PKIA: variants seen among roughly 807,000 people sequenced by gnomAD.
PKIA encodes the protein cAMP-dependent protein kinase inhibitor alpha, also known as PKI-alpha.
Under a neutral mutation model 7.6 loss-of-function variants are expected in PKIA, and 4 were observed. That is an observed-to-expected ratio of 0.52 (90% CI 0.26 to 1.20). PKIA has a LOEUF of 1.20. Ranked by LOEUF, PKIA falls within the 50% of genes most tolerant of loss-of-function variation. The pLI is 0.13. For synonymous variants in PKIA, 21 were observed against 30.7 expected (o/e 0.68, Z 1.04); for missense variants, 73 against 86.2 (o/e 0.85, Z 0.61).
chr8:78,597,723 T>A (rs1248136594), intron 2 of PKIA, among the ~76,000 whole-genome samples: 1 of 152,234 alleles, frequency 6.6e-6, no homozygotes, highest in Non-Finnish European at 1.5e-5. Flanking sequence ...CTATTTTTGT[T>A]AGTAAAGTTT....
intron 1 of PKIA, chr8:78,558,599 C>G (rs1021635434): frequency 7.1e-6 from 1 of 141,386 alleles, no homozygotes; most frequent in Admixed American, 7.0e-5. Flanking sequence ...CCACCCCCTT[C>G]CCCCCCGCCC....
chr8:78,546,833 AATT>A (rs1806836501), intron 1 of PKIA, among the ~76,000 whole-genome samples: 2 of 152,190 alleles, frequency 1.3e-5, no homozygotes, highest in African/African-American at 4.8e-5. Flanking sequence ...AATCAAATGG[AATT>A]ATTAACTTCT....
At chr8:78,576,878 A>C (rs1034233632) in intron 2 of PKIA, among the ~76,000 whole-genome samples, 1 of 152,104 alleles carries the variant, frequency 6.6e-6, no homozygotes, top group Admixed American at 6.6e-5. Flanking sequence ...AGACACATGC[A>C]TACAAATGTT....
chr8:78,521,112 A>T (rs78846406), intron 1 of PKIA, among the ~76,000 whole-genome samples: 6,525 of 152,180 alleles, frequency 0.043, 419 homozygotes, highest in African/African-American at 0.14. Flanking sequence ...AATCAAAGCC[A>T]TTTTTACAAA....
chr8:78,579,411 C>A (rs1280212033), intron 2 of PKIA, among the ~76,000 whole-genome samples: 1 of 151,960 alleles, frequency 6.6e-6, no homozygotes. Context: ...GCCTTACTGT[C>A]CAAACTCATT....
At chr8:78,591,074 C>A (rs1203935629) in intron 2 of PKIA, among the ~76,000 whole-genome samples, 1 of 152,216 alleles carries the variant, frequency 6.6e-6, no homozygotes, top group Admixed American at 6.5e-5. Context: ...AAGTCTTCAG[C>A]GCATGCTGAT....
At chr8:78,557,846 T>A (rs1807180403) in intron 1 of PKIA, among the ~76,000 whole-genome samples, 1 of 114,792 alleles carries the variant, frequency 8.7e-6, no homozygotes, top group Admixed American at 9.5e-5. Context: ...TTGCTTGTCC[T>A]TCTCCGGGAT....
intron 1 of PKIA, among the ~76,000 whole-genome samples, chr8:78,526,923 C>G (rs921778125): frequency 6.6e-6 from 1 of 151,788 alleles, no homozygotes; most frequent in African/African-American, 2.4e-5. Flanking sequence ...TTTTATTTTT[C>G]TTATATGGAT....
At chr8:78,534,302 G>A (rs1331326980) in intron 1 of PKIA, 1 of 152,074 alleles carries the variant, frequency 6.6e-6, no homozygotes, top group Non-Finnish European at 1.5e-5. Context: ...TCAGAAGGTA[G>A]GTCAGAGAAA....
chr8:78,587,084 T>G (rs1460120584), intron 2 of PKIA, among the ~76,000 whole-genome samples: 3 of 152,148 alleles, frequency 2.0e-5, no homozygotes, highest in Non-Finnish European at 2.9e-5. Context: ...ATTGGATCCT[T>G]TTTTTGATTT....
At chr8:78,524,287 G>C (rs543975850) in intron 1 of PKIA, among the ~76,000 whole-genome samples, 22 of 147,094 alleles carry the variant, frequency 1.5e-4, no homozygotes, top group African/African-American at 5.2e-4. Context: ...ATAATCACTG[G>C]AGAATAATGG....
Position 78,556,962 on chromosome 8 carries a change from A to C in PKIA, c.-156-15849A>C, listed in dbSNP as rs542250414. On this transcript the variant is annotated intron_variant, in intron 1 of 3. Coordinates refer to ENST00000396418, the MANE Select transcript of PKIA (RefSeq NM_006823.4). The stretch of plus-strand genomic sequence containing the variant: ...CTCTAGTTGGTCAATTAATGGCAAC[A>C]CATGACAAAATCTTCCTACTAATTG... 3.7e-4 allele frequency among the ~76,000 whole-genome samples: 57 copies of C among 152,290 alleles called. No individual in the cohort carries two copies. The Middle Eastern group carries it at 0.01, about 27-fold the overall frequency.
In PKIA at chr8:78,586,091, G is replaced by C. The variant is rs180758349; in HGVS notation, c.-27-12267G>C. 2.0e-5 allele frequency among the ~76,000 whole-genome samples: 3 copies of C among 152,100 alleles called. No homozygotes were observed. The East Asian group carries it at 5.8e-4, about 29-fold the overall frequency. On this transcript the variant is annotated intron_variant, in intron 2 of 3. Coordinates refer to ENST00000396418, the MANE Select transcript of PKIA (RefSeq NM_006823.4). ...AGGCAGTCTTCTCCACTGCACCCCT[G>C]CTCCCTTATTCTCAGGGCCTACCAT...
intron 2 of PKIA, among the ~76,000 whole-genome samples, chr8:78,597,066 T>C (rs1300087972): frequency 1.3e-5 from 2 of 152,180 alleles, no homozygotes; most frequent in Non-Finnish European, 1.5e-5. Context: ...AGTATCATGC[T>C]GTTTTAGGTT....
chr8:78,548,760 A>G (rs547359710), intron 1 of PKIA, among the ~76,000 whole-genome samples: 2 of 152,250 alleles, frequency 1.3e-5, no homozygotes, highest in South Asian at 2.1e-4. Context: ...TTAGATATTA[A>G]GAGAATACTA....
intron 1 of PKIA, among the ~76,000 whole-genome samples, chr8:78,517,621 A>C (rs1042299054): frequency 2.0e-4 from 30 of 152,266 alleles, no homozygotes; most frequent in African/African-American, 6.3e-4. Context: ...GCCCAATCTA[A>C]GCCTCTGGTT....
chr8:78,559,756 T>C (rs1177197080), intron 1 of PKIA, among the ~76,000 whole-genome samples: 1 of 152,208 alleles, frequency 6.6e-6, no homozygotes, highest in Non-Finnish European at 1.5e-5. Context: ...ATACATCTAG[T>C]TGAGAAAACC....
intron 2 of PKIA, among the ~76,000 whole-genome samples, chr8:78,583,159 A>G (rs1807859512): frequency 6.6e-6 from 1 of 152,174 alleles, no homozygotes; most frequent in Non-Finnish European, 1.5e-5. Flanking sequence ...GAAGAATACC[A>G]TACTTTGTGA....
intron 1 of PKIA, among the ~76,000 whole-genome samples, chr8:78,539,485 G>C (rs534184083): frequency 7.9e-5 from 12 of 152,188 alleles, no homozygotes; most frequent in African/African-American, 2.9e-4. Context: ...TTCTTGAGAT[G>C]TAGAACATCT....
Sources: gnomAD v4.1 joint callset for allele counts (sites outside exome capture counted in the v4.1 genomes callset) on GRCh38, gnomAD v4.1.1 for gene constraint, MANE v1.5 for transcripts, NCBI Gene and HGNC (gene_info 2026-07-23, HGNC 2026-07-21) for gene names.